TNKS1BP1: variants seen among roughly 807,000 people sequenced by gnomAD.
TNKS1BP1 encodes the protein CCR4-NOT transcription complex subunit 12, also known as 182 kDa tankyrase-1-binding protein.
TNKS1BP1 carries 48 observed loss-of-function variants against 141.1 expected under a neutral mutation model. That is an observed-to-expected ratio of 0.34 (90% CI 0.27 to 0.43). The LOEUF (loss-of-function observed/expected upper bound fraction) is 0.43. Among genes scored for constraint, TNKS1BP1 ranks in the 20% least tolerant of loss-of-function variants. The pLI is 1.00. For synonymous variants in TNKS1BP1, 875 were observed against 898.2 expected, an observed-to-expected ratio of 0.97 and a Z score of 0.46; for missense variants, 2,149 against 2,226.0, an observed-to-expected ratio of 0.97 and a Z score of 0.70.
At position 57,312,585 on chromosome 11, in the gene TNKS1BP1, C is replaced by T; in HGVS notation, c.2103G>A (p.Arg701=). The change falls in exon 5 of 12, where the codon CGG becomes CGA. Residue 701 remains arginine (R), a synonymous_variant. Transcript: ENST00000358252. ...SPPPSGGGAR[R]GAGAELKDTQ... is the part of the protein sequence containing the mutation. ...TGTCCTTCAGCTCAGCTCCAGCTCC[C>T]CGCCTTGCACCGCCACCACTGGGTG... 6.6e-7 allele frequency: 1 copy of T among 1,517,102 alleles called. No individual in the cohort carries two copies. Among genetic ancestry groups the T allele is most frequent in the Non-Finnish European group, 8.8e-7 (1 of 1,133,706 alleles). The allele number at this position is 1,517,102 out of a possible 1,614,324, so 94.0% of individuals were successfully genotyped here. A position where few individuals can be genotyped will look rare whatever the true frequency, so the allele number is the denominator to read the frequency against.
In TNKS1BP1 at chr11:57,313,510, T is replaced by G. The variant is rs773863267; in HGVS notation, c.1178A>C (p.Glu393Ala). Residue 393 changes from glutamate to alanine, a missense_variant, in exon 5 of 12, where the codon GAG becomes GCG. Coordinates refer to ENST00000358252, the MANE Select transcript of TNKS1BP1 (RefSeq NM_033396.3). ...AGTGAGATCCAGCAACTCACCCACC[T>G]CGATCAGGGGCCGGGGTGAGGTGGC... Reference protein sequence around the residue: ...PPATSPRPLIEVGELLDLTRT... With the variant: ...PPATSPRPLIAVGELLDLTRT... 3 of 1,573,062 alleles carry G rather than the reference T, an allele frequency of 1.9e-6. No homozygotes were observed. The African/African-American group carries it at 4.1e-5, about 21-fold the overall frequency.
chr11:57,310,615 A>G (rs1855691561), intron 5 of TNKS1BP1, 59 bp from the exon 6 acceptor site: 3 of 1,548,152 alleles, frequency 1.9e-6, no homozygotes, highest in Non-Finnish European at 2.6e-6. Flanking sequence ...TCAGGGTGGG[A>G]GTCAATCCAG....
Position 57,308,836 on chromosome 11 carries a change from G to T in TNKS1BP1, c.3875C>A (p.Pro1292Gln). ...CTCTCCAGGACTGCAGACTGCCCCT[G>T]GGGCCATGTTTCTCAGCCCAAGGTC... The part of the protein sequence containing the change: ...TPDLGLRNMA[P>Q]GAVCSPGESK... Residue 1292 changes from proline to glutamine, a missense_variant, in exon 6 of 12, where the codon CCA becomes CAA. Physicochemically the swap from Pro to Gln is moderately conservative, Grantham distance 76. Coordinates refer to ENST00000358252, the MANE Select transcript of TNKS1BP1 (RefSeq NM_033396.3). The T allele has an allele frequency of 1.2e-6, 2 of 1,614,020 alleles. No homozygotes were observed. The highest frequency in any genetic ancestry group is 1.7e-6 in the Non-Finnish European group (2 of 1,180,018).
chr11:57,307,632 G>A (rs1326432586), intron 6 of TNKS1BP1, among the ~76,000 whole-genome samples: 1 of 133,638 alleles, frequency 7.5e-6, no homozygotes, highest in African/African-American at 3.0e-5. Context: ...GGCTGGAAAA[G>A]GTAACATTTT....
At chr11:57,315,390 C>G (rs1194551282) in intron 4 of TNKS1BP1, among the ~76,000 whole-genome samples, 1 of 152,064 alleles carries the variant, frequency 6.6e-6, no homozygotes, top group African/African-American at 2.4e-5. Flanking sequence ...TCACTTTTTA[C>G]TCAACACTCA....
intron 1 of TNKS1BP1, 90 bp from the exon 2 acceptor site, chr11:57,322,040 A>T: frequency 1.4e-6 from 1 of 736,928 alleles, no homozygotes; most frequent in Non-Finnish European, 1.9e-6. Flanking sequence ...TAACAGAGGC[A>T]GAGTGTGGGA....
At position 57,313,827 on chromosome 11, in the gene TNKS1BP1, G is replaced by T. The variant is rs761885353; in HGVS notation, c.861C>A (p.Ser287Arg). 3 of 1,541,120 alleles carry T rather than the reference G, an allele frequency of 1.9e-6. No individual in the cohort carries two copies. The East Asian group carries it at 6.8e-5, about 35-fold the overall frequency. Reference protein sequence around the residue: ...APSSENGGPASPGLPAEASGS... With the variant: ...APSSENGGPARPGLPAEASGS... ...CTGAGGCTTCTGCGGGGAGGCCTGGGCTGGCAGGGCCTCCATTCTCTGAGG... is the reference window on the plus strand; with the variant it reads ...CTGAGGCTTCTGCGGGGAGGCCTGGTCTGGCAGGGCCTCCATTCTCTGAGG... The change falls in exon 5 of 12, where the codon AGC (serine) becomes AGA (arginine). Residue 287 changes from serine to arginine, a missense_variant. By Grantham distance (110) the Ser-to-Arg change is moderately radical. Transcript: ENST00000358252.
intron 5 of TNKS1BP1, chr11:57,311,456 C>G (rs956073757): frequency 1.0e-6 from 1 of 985,916 alleles, no homozygotes; most frequent in South Asian, 4.7e-5. Flanking sequence ...GGGACCTGTC[C>G]GACGGCTCTG....
chr11:57,320,024 C>CCCCCCCGGGGGCCCCAAAAAAAAAAACAA, intron 3 of TNKS1BP1, 55 bp downstream of exon 3: 1 of 654,164 alleles, frequency 1.5e-6, no homozygotes, highest in East Asian at 5.1e-5. Context: ...CCCACCCAAT[C>CCCCCCCGGGGGCCCCAAAAAAAAAAACAA]CCACCCCACC....
rs1029904671 is a variant in TNKS1BP1, at chr11:57,312,809, G to C, written c.1879C>G (p.Pro627Ala). 1 of 1,612,040 alleles carries C rather than the reference G, an allele frequency of 6.2e-7. No individual in the cohort carries two copies. Among genetic ancestry groups the C allele is most frequent in the African/African-American group, 1.3e-5 (1 of 74,918 alleles). Residue 627 changes from proline (P) to alanine (A), a missense_variant, in exon 5 of 12, where the codon CCT becomes GCT. Transcript: ENST00000358252. ...GCAAAGAGAACACAGGGCTGGTCAG[G>C]GGCTGCTGGCTGCTCCTGCCCCAGG... ...PVLGQEQPAAPDQPCVLFADA... is the reference protein window; with the variant it reads ...PVLGQEQPAAADQPCVLFADA...
chr11:57,324,905 G>A lies in TNKS1BP1; in HGVS notation c.-131C>T. ...GATGCCAGTCCCCGCCGCCGCCGCC[G>A]CTGCTACCGCCGCCGCCGCCGCCGT... is the stretch of plus-strand genomic sequence containing the variant. On this transcript the variant is annotated 5_prime_UTR_variant, in exon 1 of 12. Coordinates refer to ENST00000358252, the MANE Select transcript of TNKS1BP1 (RefSeq NM_033396.3). 5 of 983,458 alleles carry A rather than the reference G, an allele frequency of 5.1e-6. No individual in the cohort carries two copies. Among genetic ancestry groups the A allele is most frequent in the Non-Finnish European group, 6.0e-6 (5 of 828,000 alleles). The allele number at this position is 983,458 out of a possible 1,614,324, so 60.9% of individuals were successfully genotyped here.
At chr11:57,320,818 T>G in intron 2 of TNKS1BP1, 106 bp from the exon 3 acceptor site, 1 of 1,319,174 alleles carries the variant, frequency 7.6e-7, no homozygotes, top group Non-Finnish European at 1.0e-6. Flanking sequence ...TTAAGAATAT[T>G]CACATCTTTC....
intron 4 of TNKS1BP1, among the ~76,000 whole-genome samples, chr11:57,316,419 C>T (rs953686379): frequency 5.9e-5 from 9 of 152,104 alleles, no homozygotes; most frequent in African/African-American, 2.2e-4. Flanking sequence ...AGGCCAGACT[C>T]GACTACCCAA....
intron 4 of TNKS1BP1, among the ~76,000 whole-genome samples, chr11:57,315,155 A>G (rs1855779002): frequency 6.6e-6 from 1 of 151,858 alleles, no homozygotes; most frequent in Non-Finnish European, 1.5e-5. Flanking sequence ...CATCCTCTCA[A>G]GGTCACACCC....
chr11:57,324,743 A>T, intron 1 of TNKS1BP1, 97 bp downstream of exon 1: 1 of 972,632 alleles, frequency 1.0e-6, no homozygotes, highest in Non-Finnish European at 1.2e-6. Flanking sequence ...CCTCAACCCG[A>T]GGTGTCGGCT....
At position 57,309,757 on chromosome 11, in the gene TNKS1BP1, C is replaced by A. The variant is rs1855674703; in HGVS notation, c.2954G>T (p.Gly985Val). Reference protein sequence around the residue: ...RSFGTRPLSSGFSPEEAQQQD... With the variant: ...RSFGTRPLSSVFSPEEAQQQD... ...TTGCTGGGCTTCCTCGGGGCTGAAC[C>A]CAGAGCTCAGGGGTCTCGTTCCAAA... The change falls in exon 6 of 12, where the codon GGG (glycine) becomes GTG (valine). Residue 985 changes from glycine to valine, a missense_variant. By Grantham distance (109) the Gly-to-Val change is moderately radical. Transcript: ENST00000358252. This position sits in a 1 kb window ranked among gnomAD's most constrained non-coding sequence, Gnocchi z 4.3. The A allele has an allele frequency of 6.2e-7, 1 of 1,614,090 alleles. No individual in the cohort carries two copies. The highest frequency in any genetic ancestry group is 1.7e-5 in the Admixed American group (1 of 60,002).
At chr11:57,315,878 G>A (rs966788190) in intron 4 of TNKS1BP1, among the ~76,000 whole-genome samples, 1 of 151,348 alleles carries the variant, frequency 6.6e-6, no homozygotes, top group African/African-American at 2.4e-5. Flanking sequence ...CTCCTGCATC[G>A]ATTTTTTTTT....
In TNKS1BP1 at chr11:57,301,828, G is replaced by T. The variant is rs780473051; in HGVS notation, c.4950C>A (p.Gly1650=). 1.2e-6 allele frequency: 2 copies of T among 1,614,096 alleles called. No homozygotes were observed. Among genetic ancestry groups the T allele is most frequent in the East Asian group, 2.2e-5 (1 of 44,876 alleles). Residue 1650 remains glycine, a synonymous_variant, in exon 9 of 12, where the codon GGC becomes GGA. Transcript: ENST00000358252. The part of the protein sequence containing the change: ...TKGLKVNLFP[G]LSPSALKAKL... ...GTACCTTCAGGGCTGAGGGGCTCAGGCCAGGAAAGAGGTTGACTTTCAGCC... is the reference window on the plus strand; with the variant it reads ...GTACCTTCAGGGCTGAGGGGCTCAGTCCAGGAAAGAGGTTGACTTTCAGCC...
rs763621411 is a variant in TNKS1BP1, at chr11:57,320,095, T to G, written c.712A>C (p.Lys238Gln). 1.2e-6 allele frequency: 2 copies of G among 1,613,858 alleles called. No individual in the cohort carries two copies. The highest frequency in any genetic ancestry group is 2.2e-5 in the South Asian group (2 of 91,070). ...ACCCTTCACCTCTCCTCAGGGGTCT[T>G]GCTGTGCTCTTCCCGGCACTCTGCT... ...SPAECREEHS[K>Q]TPEERSLPSD... is the part of the protein sequence containing the mutation. Residue 238 changes from lysine to glutamine, a missense_variant, in exon 3 of 12, where the codon AAG becomes CAG. Lys to Gln is a moderately conservative substitution (Grantham distance 53). Coordinates refer to ENST00000358252, the MANE Select transcript of TNKS1BP1 (RefSeq NM_033396.3).
Sources: gnomAD v4.1 joint callset for allele counts (sites outside exome capture counted in the v4.1 genomes callset) on GRCh38, gnomAD v4.1.1 for gene constraint, Gnocchi (gnomAD v3.1) non-coding constraint, MANE v1.5 for transcripts, NCBI Gene and HGNC (gene_info 2026-07-23, HGNC 2026-07-21) for gene names.